Variants in SDCCAG8 observed in about 807,000 individuals in gnomAD.
SDCCAG8 encodes serologically defined colon cancer antigen 8.
A neutral mutation model predicts 101.8 loss-of-function variants in SDCCAG8; 74 were observed. The ratio of observed to expected loss-of-function variants is 0.73; its 90% CI spans 0.60 to 0.88. The LOEUF (loss-of-function observed/expected upper bound fraction) is 0.88. Among genes scored for constraint, SDCCAG8 ranks in the 40% least tolerant of loss-of-function variants. SDCCAG8 has a pLI of 0.00. For missense variants in SDCCAG8, 787 were observed against 822.6 expected (o/e 0.96, Z 0.53); for synonymous variants, 281 against 292.9 (o/e 0.96, Z 0.41).
chr1:243,363,385 A>T (rs1271274520), intron 12 of SDCCAG8, among the ~76,000 whole-genome samples: 2 of 152,260 alleles, frequency 1.3e-5, no homozygotes, highest in African/African-American at 4.8e-5. Flanking sequence ...GTGGGCAATG[A>T]GGAAATCGGG....
Position 243,499,973 on chromosome 1 carries a change from C to T in SDCCAG8, c.*188C>T. ...GTCGGGCTGGAGCTGGAGTCTGACT[C>T]TAGCTGAGCAGAGCTCCTGGTGTAT... On this transcript the variant is annotated 3_prime_UTR_variant, in exon 18 of 18. Transcript: ENST00000366541. 1.6e-6 allele frequency: 1 copy of T among 641,614 alleles called. No homozygotes were observed. Among genetic ancestry groups the T allele is most frequent in the Non-Finnish European group, 2.8e-6 (1 of 355,420 alleles). The allele number at this position is 641,614 out of a possible 1,614,324, so 39.7% of individuals were successfully genotyped here. A position where few individuals can be genotyped will look rare whatever the true frequency, so the allele number is the denominator to read the frequency against.
chr1:243,366,632 A>G (rs1342811057), intron 12 of SDCCAG8, among the ~76,000 whole-genome samples: 2 of 152,048 alleles, frequency 1.3e-5, no homozygotes, highest in African/African-American at 2.4e-5. Context: ...GAGTATCATA[A>G]TAATTTCTGT....
chr1:243,482,070 TA>T (rs1663862356), intron 16 of SDCCAG8, among the ~76,000 whole-genome samples: 1 of 152,206 alleles, frequency 6.6e-6, no homozygotes, highest in African/African-American at 2.4e-5. Context: ...ACATACAACA[TA>T]AAAAAATTTA....
chr1:243,415,881 C>T (rs1428614885), intron 14 of SDCCAG8, 52 bp downstream of exon 14: 4 of 1,600,716 alleles, frequency 2.5e-6, no homozygotes, highest in Non-Finnish European at 2.6e-6. Context: ...AAGTCAGGCC[C>T]ACGCCTTACT....
chr1:243,348,974 G>GA lies in SDCCAG8; in HGVS notation c.1473+4646dup, dbSNP rs775151072. On this transcript the variant is annotated intron_variant, in intron 12 of 17. Coordinates refer to ENST00000366541, the MANE Select transcript of SDCCAG8 (RefSeq NM_006642.5). ...GCACTCCAGCCTGGGCAACAAGAGC[G>GA]AAACCCTGTCTTGGATAAAAACAAA... 9.0e-4 allele frequency among the ~76,000 whole-genome samples: 133 copies of GA among 147,230 alleles called. 1 individual carries two copies. Among genetic ancestry groups the GA allele is most frequent in the Middle Eastern group, 3.6e-3 (1 of 280 alleles).
Position 243,499,355 on chromosome 1 carries a change from C to T in SDCCAG8, c.2113-401C>T, listed in dbSNP as rs1005842744. Among the ~76,000 whole-genome samples, 7 of 152,218 alleles carry T rather than the reference C, an allele frequency of 4.6e-5. No individual in the cohort carries two copies. In the East Asian group the frequency reaches 5.8e-4, roughly 13 times the overall value. ...GAATTTCTTAGGGGCACTTGGCCTA[C>T]ACCCTGTTTTTGTTCTAGAATTACC... is the stretch of plus-strand genomic sequence containing the variant. On this transcript the variant is annotated intron_variant, in intron 17 of 17. Transcript: ENST00000366541.
chr1:243,456,555 A>G (rs1475112660), intron 16 of SDCCAG8, among the ~76,000 whole-genome samples: 3 of 152,286 alleles, frequency 2.0e-5, no homozygotes, highest in Non-Finnish European at 2.9e-5. Context: ...AGCTGTGCCT[A>G]TATGTTTATT....
intron 13 of SDCCAG8, among the ~76,000 whole-genome samples, chr1:243,403,517 G>A (rs2079542302): frequency 6.6e-6 from 1 of 152,166 alleles, no homozygotes; most frequent in African/African-American, 2.4e-5. Flanking sequence ...CCTATGAGGA[G>A]AGGTACTGTT....
intron 13 of SDCCAG8, among the ~76,000 whole-genome samples, chr1:243,402,868 G>A (rs745737779): frequency 6.6e-6 from 1 of 152,142 alleles, no homozygotes; most frequent in Non-Finnish European, 1.5e-5. Flanking sequence ...CTGAAGAATC[G>A]CCACTTTGAG....
chr1:243,494,099 C>T (rs2148296644), intron 17 of SDCCAG8, among the ~76,000 whole-genome samples: 1 of 152,240 alleles, frequency 6.6e-6, no homozygotes, highest in Middle Eastern at 3.4e-3. Flanking sequence ...ACAGATGGCG[C>T]TTGAATAGAA....
At chr1:243,267,889 G>C (rs1010226981) in intron 1 of SDCCAG8, 1 of 1,149,616 alleles carries the variant, frequency 8.7e-7, no homozygotes, top group Non-Finnish European at 1.3e-6. Context: ...TTATGGAAAA[G>C]TTGATAAAGT....
At chr1:243,434,684 G>A (rs1354778047) in intron 16 of SDCCAG8, among the ~76,000 whole-genome samples, 1 of 152,178 alleles carries the variant, frequency 6.6e-6, no homozygotes, top group Non-Finnish European at 1.5e-5. Flanking sequence ...CCTTTGTAAT[G>A]AGCCAGTTGT....
intron 4 of SDCCAG8, among the ~76,000 whole-genome samples, chr1:243,281,973 A>T (rs1479727310): frequency 1.3e-5 from 2 of 151,776 alleles, no homozygotes; most frequent in African/African-American, 4.8e-5. Context: ...TGAGCATTTT[A>T]TATGATTGCA....
At chr1:243,489,778 A>G (rs1262422469) in intron 17 of SDCCAG8, among the ~76,000 whole-genome samples, 1 of 152,194 alleles carries the variant, frequency 6.6e-6, no homozygotes, top group Non-Finnish European at 1.5e-5. Context: ...AAGTAGGGAC[A>G]CCGCAAACGG....
rs546810330 is a variant in SDCCAG8, at chr1:243,289,700, C to A, written c.546+3303C>A. Among the ~76,000 whole-genome samples the A allele has an allele frequency of 2.0e-5, 3 of 152,270 alleles. No homozygotes were observed. In the South Asian group the frequency reaches 6.2e-4, roughly 31 times the overall value. On this transcript the variant is annotated intron_variant, in intron 5 of 17. Transcript: ENST00000366541. ...GTCACAGAGCTAGATAATGGCAAAG[C>A]AAGGATTCAAACCCAGGACTATCTA...
At chr1:243,479,369 T>C (rs1663040711) in intron 16 of SDCCAG8, among the ~76,000 whole-genome samples, 1 of 152,168 alleles carries the variant, frequency 6.6e-6, no homozygotes, top group Non-Finnish European at 1.5e-5. Context: ...TAATAAATAT[T>C]GTAGGCTCCA....
At chr1:243,323,296 A>C (rs1021539791) in intron 9 of SDCCAG8, among the ~76,000 whole-genome samples, 3 of 152,136 alleles carry the variant, frequency 2.0e-5, no homozygotes, top group African/African-American at 7.2e-5. Flanking sequence ...CACTGCTGGC[A>C]CGTCACTTTC....
chr1:243,459,281 GGAAAGCTAGAAT>G (rs1339547410), intron 16 of SDCCAG8, among the ~76,000 whole-genome samples: 2 of 152,190 alleles, frequency 1.3e-5, no homozygotes, highest in African/African-American at 2.4e-5. Flanking sequence ...GTCCTAGGAG[GGAAAGCTAGAAT>G]TTAAATAGGT....
intron 12 of SDCCAG8, among the ~76,000 whole-genome samples, chr1:243,368,652 A>G (rs1406297491): frequency 6.6e-6 from 1 of 152,172 alleles, no homozygotes; most frequent in Non-Finnish European, 1.5e-5. Context: ...TGTCTTTCCT[A>G]CAGATACAGT....
Sources: allele counts gnomAD v4.1 joint callset (sites outside exome capture counted in the v4.1 genomes callset), GRCh38; gene constraint gnomAD v4.1.1; transcripts MANE v1.5; gene names NCBI Gene and HGNC (gene_info 2026-07-23, HGNC 2026-07-21).